CLEC4M: variants seen among roughly 807,000 people sequenced by gnomAD.
The protein encoded by CLEC4M is CD209 antigen-like protein 1.
Under a neutral mutation model 39.1 loss-of-function variants are expected in CLEC4M, and 25 were observed. The observed-to-expected ratio is 0.64, with a 90% CI of 0.47 to 0.89. The LOEUF (loss-of-function observed/expected upper bound fraction) is 0.89, where lower values mean the gene tolerates loss of function less well. Among genes scored for constraint, CLEC4M ranks in the 40% least tolerant of loss-of-function variants. CLEC4M has a pLI of 0.00. For missense variants in CLEC4M, 353 were observed against 431.4 expected (o/e 0.82, Z 1.61); for synonymous variants, 155 against 177.4 (o/e 0.87, Z 1.00).
chr19:7,766,133 C>T lies in CLEC4M; in HGVS notation c.710C>T (p.Ala237Val), dbSNP rs2034259674. The change falls in exon 4 of 7, where the codon GCA becomes GTA. Residue 237 changes from alanine to valine, a missense_variant. Transcript: ENST00000327325. ...IYQELTQLKA[A>V]VGELPDQSKQ... is the part of the protein sequence containing the mutation. ...CAGGAGCTGACCCAGCTGAAGGCTGCAGTGGGTGAGTTGCCAGACCAGTCC... is the reference window on the plus strand; with the variant it reads ...CAGGAGCTGACCCAGCTGAAGGCTGTAGTGGGTGAGTTGCCAGACCAGTCC... 6.2e-7 allele frequency: 1 copy of T among 1,613,962 alleles called. No individual in the cohort carries two copies. Among genetic ancestry groups the T allele is most frequent in the Non-Finnish European group, 8.5e-7 (1 of 1,179,904 alleles).
intron 2 of CLEC4M, among the ~76,000 whole-genome samples, chr19:7,763,773 G>A (rs1054847470): frequency 3.3e-5 from 5 of 151,542 alleles, no homozygotes; most frequent in African/African-American, 9.7e-5. Context: ...GGTAGGGACT[G>A]GAGCCTGGAC....
At chr19:7,768,463 A>C (rs2034377050) in intron 6 of CLEC4M, 1 of 172,030 alleles carries the variant, frequency 5.8e-6, no homozygotes, top group African/African-American at 2.4e-5. Context: ...AGTCCCAGCT[A>C]CTCAGGAGGC....
chr19:7,763,769 G>A (rs1307629903), intron 2 of CLEC4M, among the ~76,000 whole-genome samples: 1 of 151,144 alleles, frequency 6.6e-6, no homozygotes, highest in Non-Finnish European at 1.5e-5. Flanking sequence ...GGGAGGTAGG[G>A]ACTGGAGCCT....
Position 7,763,268 on chromosome 19 carries a change from T to TG in CLEC4M, c.3dup (p.Ser2_?1). ...AACATCTGGGGACAGCGGGAAAACA[T>TG]GAGTGACTCCAAGGAACCAAGGGTG... On this transcript the variant is annotated frameshift_variant and start_lost, in exon 1 of 7. Coordinates refer to ENST00000327325, the MANE Select transcript of CLEC4M (RefSeq NM_014257.5). LOFTEE classifies it high-confidence loss of function. 1 of 1,599,004 alleles carries TG rather than the reference T, an allele frequency of 6.3e-7. No individual in the cohort carries two copies. Among genetic ancestry groups the TG allele is most frequent in the South Asian group, 1.1e-5 (1 of 88,440 alleles).
At chr19:7,766,442 C>A in intron 4 of CLEC4M, 2 of 1,450,332 alleles carry the variant, frequency 1.4e-6, no homozygotes, top group Non-Finnish European at 1.8e-6. Context: ...TTCTCCCAGT[C>A]TGGAAGAGAT....
At chr19:7,763,693 G>T (rs1196178012) in intron 2 of CLEC4M, among the ~76,000 whole-genome samples, 2 of 151,746 alleles carry the variant, frequency 1.3e-5, no homozygotes, top group East Asian at 3.9e-4. Flanking sequence ...TGGGGAGGTG[G>T]GAGAGGGGTT....
Position 7,766,790 on chromosome 19 carries a change from A to G in CLEC4M, c.919A>G (p.Lys307Glu). Residue 307 changes from lysine to glutamate, a missense_variant, in exon 5 of 7, where the codon AAA becomes GAA. Physicochemically the swap from Lys to Glu is moderately conservative, Grantham distance 56. This residue lies in a region of CLEC4M where 196 missense variants were observed against 211.7 expected (regional missense o/e 0.93). Transcript: ENST00000327325. ...QEVRAQLVVI[K>E]TAEEQNFLQL... ...AGTGAGGGCCCAGCTCGTCGTAATC[A>G]AAACTGCTGAGGAGCAGGTACACGT... 2 of 1,614,218 alleles carry G rather than the reference A, an allele frequency of 1.2e-6. No homozygotes were observed. Among genetic ancestry groups the G allele is most frequent in the Non-Finnish European group, 1.7e-6 (2 of 1,180,034 alleles).
intron 6 of CLEC4M, chr19:7,767,941 A>G: frequency 4.1e-6 from 1 of 243,630 alleles, no homozygotes; most frequent in South Asian, 8.1e-5. Context: ...ACACAAAGTG[A>G]GTAGCTTATC....
chr19:7,766,822 G>A lies in CLEC4M; in HGVS notation c.936+15G>A, dbSNP rs776456377. Reference sequence around the variant, plus strand: ...CTGAGGAGCAGGTACACGTGGTGGGGGTCCTCGTCCTGGCCTGGGGCATGG... The same window carrying A: ...CTGAGGAGCAGGTACACGTGGTGGGAGTCCTCGTCCTGGCCTGGGGCATGG... On this transcript the variant is annotated intron_variant, in intron 5 of 6. Transcript: ENST00000327325. 17 of 1,614,084 alleles carry A rather than the reference G, an allele frequency of 1.1e-5. No homozygotes were observed. Among genetic ancestry groups the A allele is most frequent in the Non-Finnish European group, 1.4e-5 (17 of 1,180,028 alleles).
rs779794962 is a variant in CLEC4M, at chr19:7,766,183, C to T, written c.760C>T (p.Leu254=). The T allele has an allele frequency of 1.9e-6, 3 of 1,614,216 alleles. No individual in the cohort carries two copies. The highest frequency in any genetic ancestry group is 1.1e-5 in the South Asian group (1 of 91,092). Residue 254 remains leucine, a synonymous_variant, in exon 4 of 7, where the codon CTG becomes TTG. Coordinates refer to ENST00000327325, the MANE Select transcript of CLEC4M (RefSeq NM_014257.5). Reference sequence around the variant, plus strand: ...CAAGCAGCAGCAAATCTATCAAGAACTGACCGATTTGAAGACTGCATTTGG... The same window carrying T: ...CAAGCAGCAGCAAATCTATCAAGAATTGACCGATTTGAAGACTGCATTTGG... ...QSKQQQIYQE[L]TDLKTAFERL... is the part of the protein sequence containing the mutation.
At chr19:7,767,051 T>G (rs1692047620) in intron 5 of CLEC4M, 1 of 625,432 alleles carries the variant, frequency 1.6e-6, no homozygotes, top group Non-Finnish European at 2.6e-6. Flanking sequence ...TGCAGGTGTT[T>G]AACGGCCAGC....
rs756317522 is a variant in CLEC4M, at chr19:7,765,330, C to T, written c.214+62C>T. 8.8e-5 allele frequency: 138 copies of T among 1,570,602 alleles called. 1 individual carries two copies. In the South Asian group the frequency reaches 1.5e-3, roughly 17 times the overall value. ...CCTGGCCTTTTGGCTATGAACAGAGCCTGGAGTGGCCAGGTCTGGGAGGGA... is the reference window on the plus strand; with the variant it reads ...CCTGGCCTTTTGGCTATGAACAGAGTCTGGAGTGGCCAGGTCTGGGAGGGA... On this transcript the variant is annotated intron_variant, in intron 3 of 6. Transcript: ENST00000327325.
At chr19:7,766,229 G>A (rs2034266280) in intron 4 of CLEC4M, 22 bp downstream of exon 4, 7 of 1,613,106 alleles carry the variant, frequency 4.3e-6, no homozygotes, top group Non-Finnish European at 5.9e-6. Context: ...CACATCAAGG[G>A]TCCTTGGGCC....
At chr19:7,766,572 A>G in intron 4 of CLEC4M, 84 bp from the exon 5 acceptor site, 1 of 1,590,502 alleles carries the variant, frequency 6.3e-7, no homozygotes, top group Non-Finnish European at 8.6e-7. Context: ...AAGGGCCCTG[A>G]TTTTCAAGGG....
chr19:7,765,086 G>A lies in CLEC4M; in HGVS notation c.131-99G>A, dbSNP rs2034189373. On this transcript the variant is annotated intron_variant, in intron 2 of 6. Coordinates refer to ENST00000327325, the MANE Select transcript of CLEC4M (RefSeq NM_014257.5). ...TTGGAGTGGAGGGGGCTGGGGCTGG[G>A]GTTCCTGGGTCCTGGGGTGCTGAGG... The A allele has an allele frequency of 3.8e-6, 5 of 1,310,066 alleles. No homozygotes were observed. The Admixed American group carries it at 8.6e-5, about 23-fold the overall frequency. The allele number at this position is 1,310,066 out of a possible 1,614,324, so 81.2% of individuals were successfully genotyped here. A position where few individuals can be genotyped will look rare whatever the true frequency, so the allele number is the denominator to read the frequency against.
At chr19:7,768,695 G>A (rs181332457) in intron 6 of CLEC4M, 143 bp from the exon 7 acceptor site, 39 of 867,888 alleles carry the variant, frequency 4.5e-5, no homozygotes, top group East Asian at 4.3e-4. Context: ...AACATGACTC[G>A]GGCATATTAT....
chr19:7,763,934 C>T (rs1037499680), intron 2 of CLEC4M, among the ~76,000 whole-genome samples: 26 of 151,386 alleles, frequency 1.7e-4, no homozygotes, highest in Non-Finnish European at 2.5e-4. Context: ...GGCCTGAATT[C>T]GTGGGTCCTG....
At chr19:7,767,305 A>G in intron 5 of CLEC4M, 1 of 551,922 alleles carries the variant, frequency 1.8e-6, no homozygotes, top group Non-Finnish European at 3.3e-6. Context: ...ACATGAGGAG[A>G]GGCCAGCTGT....
At chr19:7,768,520 G>C in intron 6 of CLEC4M, 1 of 190,622 alleles carries the variant, frequency 5.2e-6, no homozygotes. Flanking sequence ...GTTGCAGTGA[G>C]CCGCCAAGAT....
Sources: gnomAD v4.1 joint callset for allele counts (sites outside exome capture counted in the v4.1 genomes callset) on GRCh38, gnomAD v4.1.1 for gene constraint, gnomAD v4.1.1 regional missense constraint, MANE v1.5 for transcripts, NCBI Gene and HGNC (gene_info 2026-07-23, HGNC 2026-07-21) for gene names.